Variants in TMEM117 observed in about 807,000 individuals in gnomAD.
TMEM117 encodes the protein transmembrane protein 117.
TMEM117 carries 27 observed loss-of-function variants against 52.4 expected under a neutral mutation model. The observed-to-expected ratio is 0.51, with a 90% CI of 0.38 to 0.71. The LOEUF is 0.71. Ranked by LOEUF, TMEM117 falls within the 30% of genes least tolerant of loss-of-function variation. The probability of loss-of-function intolerance (pLI) is 0.00; values close to 1 mark genes in which losing one functional copy is unlikely to be tolerated. For synonymous variants in TMEM117, 215 were observed against 206.3 expected, an observed-to-expected ratio of 1.04 and a Z score of -0.36; for missense variants, 556 against 630.5, an observed-to-expected ratio of 0.88 and a Z score of 1.26.
the TMEM117 span, among the ~76,000 whole-genome samples, chr12:43,830,610 C>CAAAAAAAAAAAAAA: frequency 1.1e-5 from 1 of 94,780 alleles, no homozygotes; most frequent in Non-Finnish European, 2.4e-5. Context: ...ACACTTGTCT[C>CAAAAAAAAAAAAAA]AAAAAAAAAA....
intron 6 of TMEM117, among the ~76,000 whole-genome samples, chr12:44,304,450 G>A (rs1950879497): frequency 6.6e-6 from 1 of 152,204 alleles, no homozygotes; most frequent in Non-Finnish European, 1.5e-5. Context: ...CTTGGAGGCA[G>A]TAGACTTTGT....
intron 3 of TMEM117, among the ~76,000 whole-genome samples, chr12:43,980,823 C>CA (rs1165286852): frequency 1.3e-5 from 2 of 152,104 alleles, no homozygotes; most frequent in South Asian, 2.1e-4. Flanking sequence ...TAGCAGCCCC[C>CA]GAAGCCGGCG....
chr12:44,075,207 C>A (rs982079338), intron 3 of TMEM117, among the ~76,000 whole-genome samples: 1 of 152,180 alleles, frequency 6.6e-6, no homozygotes, highest in African/African-American at 2.4e-5. Flanking sequence ...CTGGGTACAT[C>A]TGAAGGATGG....
At chr12:43,859,794 C>T (rs60715781) in intron 2 of TMEM117, among the ~76,000 whole-genome samples, 7,059 of 152,190 alleles carry the variant, frequency 0.046, 212 homozygotes, top group Middle Eastern at 0.13. Context: ...TTTAAGGACT[C>T]CTATTCCCTG....
At chr12:44,152,687 AT>A (rs1315065243) in intron 4 of TMEM117, among the ~76,000 whole-genome samples, 1 of 133,560 alleles carries the variant, frequency 7.5e-6, no homozygotes, top group Non-Finnish European at 1.5e-5. Flanking sequence ...TATATATAAT[AT>A]TTATATATAA....
At chr12:44,003,706 GT>G (rs1946150120) in intron 3 of TMEM117, among the ~76,000 whole-genome samples, 1 of 152,178 alleles carries the variant, frequency 6.6e-6, no homozygotes, top group East Asian at 1.9e-4. Flanking sequence ...AGGCAATGGA[GT>G]TTATGTCTCT....
At chr12:44,210,584 G>A (rs551600158) in intron 4 of TMEM117, among the ~76,000 whole-genome samples, 79 of 152,182 alleles carry the variant, frequency 5.2e-4, no homozygotes, top group African/African-American at 1.8e-3. Flanking sequence ...AGTGAAGAGA[G>A]AAAAAAGCAT....
Position 44,097,428 on chromosome 12 carries a change from C to T in TMEM117, c.411-46097C>T, listed in dbSNP as rs1460487491. On this transcript the variant is annotated intron_variant, in intron 3 of 7. Transcript: ENST00000266534. The stretch of plus-strand genomic sequence containing the variant: ...GAGACATGCACACGTATGTTTATTG[C>T]GGCACTATTCACAATAGCAAAGACT... Among the ~76,000 whole-genome samples, 12 of 151,976 alleles carry T rather than the reference C, an allele frequency of 7.9e-5. No homozygotes were observed. The South Asian group carries it at 1.7e-3, about 21-fold the overall frequency.
At chr12:43,811,265 T>A in the TMEM117 span, among the ~76,000 whole-genome samples, 1 of 152,180 alleles carries the variant, frequency 6.6e-6, no homozygotes, top group Non-Finnish European at 1.5e-5. Flanking sequence ...CCTTTTCTAT[T>A]TCCCTTCCCC....
chr12:43,830,206 C>T, the TMEM117 span, among the ~76,000 whole-genome samples: 1 of 152,042 alleles, frequency 6.6e-6, no homozygotes, highest in Non-Finnish European at 1.5e-5. Flanking sequence ...TGCAGGACAG[C>T]CCTGTGTATG....
chr12:44,277,760 G>GTTTT, intron 5 of TMEM117, among the ~76,000 whole-genome samples: 1 of 123,270 alleles, frequency 8.1e-6, no homozygotes, highest in Non-Finnish European at 1.6e-5. Context: ...AAAACTCTGA[G>GTTTT]CTTTTTTTTT....
At chr12:44,179,602 G>C (rs1391333317) in intron 4 of TMEM117, among the ~76,000 whole-genome samples, 1 of 152,216 alleles carries the variant, frequency 6.6e-6, no homozygotes, top group Non-Finnish European at 1.5e-5. Flanking sequence ...TTCCAGCCTT[G>C]CTGGCAGCCA....
intron 2 of TMEM117, among the ~76,000 whole-genome samples, chr12:43,901,993 AT>A: frequency 6.6e-6 from 1 of 152,310 alleles, no homozygotes; most frequent in Non-Finnish European, 1.5e-5. Flanking sequence ...CATTTTATGG[AT>A]TTGGGAAGAC....
intron 5 of TMEM117, among the ~76,000 whole-genome samples, chr12:44,280,739 A>T (rs1357714564): frequency 1.3e-5 from 2 of 151,704 alleles, no homozygotes. Flanking sequence ...CCTACATGAC[A>T]ATATAACTTT....
chr12:44,292,680 T>C (rs1032872493), intron 5 of TMEM117, among the ~76,000 whole-genome samples: 3 of 152,088 alleles, frequency 2.0e-5, no homozygotes, highest in African/African-American at 7.2e-5. Flanking sequence ...GGTCTCAAGA[T>C]ACTTTCTGAT....
chr12:44,323,217 C>G (rs1351600183), intron 6 of TMEM117, among the ~76,000 whole-genome samples: 1 of 152,150 alleles, frequency 6.6e-6, no homozygotes, highest in Non-Finnish European at 1.5e-5. Flanking sequence ...ACTAGTGAGA[C>G]CCATTTTGAA....
chr12:44,155,600 T>G (rs1188149277), intron 4 of TMEM117, among the ~76,000 whole-genome samples: 2 of 152,094 alleles, frequency 1.3e-5, no homozygotes, highest in African/African-American at 4.8e-5. Flanking sequence ...CATTGCAAAT[T>G]CAAATGCCCT....
At chr12:43,933,883 T>G (rs1198194337) in intron 2 of TMEM117, among the ~76,000 whole-genome samples, 1 of 152,200 alleles carries the variant, frequency 6.6e-6, no homozygotes, top group Non-Finnish European at 1.5e-5. Flanking sequence ...AGTGACAATC[T>G]CTAATGGTTC....
chr12:44,000,551 C>T (rs1195959670), intron 3 of TMEM117, among the ~76,000 whole-genome samples: 1 of 152,068 alleles, frequency 6.6e-6, no homozygotes, highest in African/African-American at 2.4e-5. Flanking sequence ...CTAGAGGGAG[C>T]CCCAACTTTC....
Sources: allele counts gnomAD v4.1 joint callset (sites outside exome capture counted in the v4.1 genomes callset), GRCh38; gene constraint gnomAD v4.1.1; transcripts MANE v1.5; gene names NCBI Gene and HGNC (gene_info 2026-07-23, HGNC 2026-07-21).